Variants in CRPPA observed in about 807,000 individuals in gnomAD.
CRPPA encodes the protein CDP-L-ribitol pyrophosphorylase A.
In CRPPA, 43 loss-of-function variants were observed where a neutral mutation model predicts 52.0. The observed-to-expected ratio is 0.83, with a 90% confidence interval of 0.65 to 1.07. CRPPA has a LOEUF of 1.07. CRPPA is among the 50% of genes least tolerant of loss of function. The pLI, the probability that CRPPA is intolerant of heterozygous loss-of-function variation, is 0.00. For missense variants in CRPPA, 629 were observed against 551.7 expected (o/e 1.14, Z -1.40); for synonymous variants, 250 against 203.5 (o/e 1.23, Z -1.94).
intron 8 of CRPPA, among the ~76,000 whole-genome samples, chr7:16,217,155 T>C (rs1782350662): frequency 6.9e-6 from 1 of 145,888 alleles, no homozygotes; most frequent in African/African-American, 2.5e-5. Context: ...GCAGCCTAAC[T>C]GGGAGGCACC....
chr7:16,287,117 AG>A (rs1456874833), intron 5 of CRPPA, among the ~76,000 whole-genome samples: 1 of 152,198 alleles, frequency 6.6e-6, no homozygotes, highest in Non-Finnish European at 1.5e-5. Flanking sequence ...ACAATAAAGC[AG>A]TATGAATTAT....
intron 2 of CRPPA, among the ~76,000 whole-genome samples, chr7:16,398,249 C>T (rs191596259): frequency 7.9e-5 from 12 of 151,936 alleles, no homozygotes; most frequent in Admixed American, 6.5e-5. Flanking sequence ...GTGACCAACA[C>T]GTGACTCACA....
intron 9 of CRPPA, among the ~76,000 whole-genome samples, chr7:16,195,916 C>CGTT (rs1435766499): frequency 2.0e-5 from 3 of 152,080 alleles, no homozygotes; most frequent in Admixed American, 6.6e-5. Context: ...CCTGCCAACC[C>CGTT]CCCTTCCCCA....
intron 3 of CRPPA, among the ~76,000 whole-genome samples, chr7:16,337,703 C>T (rs1466271836): frequency 2.6e-5 from 4 of 151,964 alleles, no homozygotes; most frequent in East Asian, 1.9e-4. Context: ...ACTGATACCA[C>T]CAAAATACAA....
At chr7:16,282,750 A>G (rs1310110019) in intron 5 of CRPPA, among the ~76,000 whole-genome samples, 2 of 152,222 alleles carry the variant, frequency 1.3e-5, no homozygotes, top group South Asian at 2.1e-4. Flanking sequence ...AGGTAAAATA[A>G]CATCATAAGA....
chr7:16,172,846 A>C (rs140833278), intron 9 of CRPPA, among the ~76,000 whole-genome samples: 9 of 152,284 alleles, frequency 5.9e-5, no homozygotes, highest in Middle Eastern at 3.4e-3. Flanking sequence ...CCATCAACAC[A>C]CACAAAATAT....
Position 16,200,171 on chromosome 7 carries a change from T to G in CRPPA, c.1251+15895A>C, listed in dbSNP as rs867242619. On this transcript the variant is annotated intron_variant, in intron 9 of 9. Coordinates refer to ENST00000407010, the MANE Select transcript of CRPPA (RefSeq NM_001101426.4). ...CTCTGCCCGGCCAGATCTGTAGACT[T>G]CTAAAAGTGACTTTGCTTCTACGGA... is the stretch of plus-strand genomic sequence containing the variant. Among the ~76,000 whole-genome samples, 41 of 152,278 alleles carry G rather than the reference T, an allele frequency of 2.7e-4. No individual in the cohort carries two copies. The Middle Eastern group carries it at 0.01, about 38-fold the overall frequency.
At chr7:16,324,316 T>A (rs1251052696) in intron 3 of CRPPA, among the ~76,000 whole-genome samples, 1 of 152,216 alleles carries the variant, frequency 6.6e-6, no homozygotes, top group Admixed American at 6.5e-5. Context: ...TAGGTCAGGA[T>A]GGTCTGACGA....
intron 9 of CRPPA, among the ~76,000 whole-genome samples, chr7:16,182,030 T>C (rs1040271704): frequency 2.6e-5 from 4 of 152,080 alleles, no homozygotes; most frequent in Admixed American, 2.0e-4. Flanking sequence ...AAACCTAATA[T>C]GTAATTGCTA....
At chr7:16,383,498 C>G (rs1787171372) in intron 2 of CRPPA, among the ~76,000 whole-genome samples, 1 of 152,198 alleles carries the variant, frequency 6.6e-6, no homozygotes, top group Non-Finnish European at 1.5e-5. Flanking sequence ...CAGCTGTGTG[C>G]TGGGAGAACC....
rs11977220 is a variant in CRPPA at position 16,184,676 on chromosome 7, A to G, written c.1251+31390T>C. The stretch of plus-strand genomic sequence containing the variant: ...TATAAAACAAATAGAGTTTCCTTGA[A>G]AGGCACACAAAGGGAAAGTCCTACA... On this transcript the variant is annotated intron_variant, in intron 9 of 9. Transcript: ENST00000407010. 5.8e-3 allele frequency among the ~76,000 whole-genome samples: 883 copies of G among 152,274 alleles called. 16 individuals carry two copies. The highest frequency in any genetic ancestry group is 0.021 in the African/African-American group (854 of 41,552).
chr7:16,140,065 G>A (rs1389864709), intron 9 of CRPPA, among the ~76,000 whole-genome samples: 1 of 151,774 alleles, frequency 6.6e-6, no homozygotes, highest in Non-Finnish European at 1.5e-5. Flanking sequence ...TATACTCAAA[G>A]GAATACTATA....
In CRPPA at chr7:16,089,231, C is replaced by T. The variant is rs772992506; in HGVS notation, c.*2464G>A. On this transcript the variant is annotated 3_prime_UTR_variant, in exon 10 of 10. Coordinates refer to ENST00000407010, the MANE Select transcript of CRPPA (RefSeq NM_001101426.4). ...ACGTATATACATATATGTGTGTATG[C>T]GTACGTATATACATATATGTGTGTA... The T allele has an allele frequency of 4.1e-5, 15 of 365,854 alleles. No homozygotes were observed. Among genetic ancestry groups the T allele is most frequent in the Middle Eastern group, 8.9e-4 (1 of 1,126 alleles). 22.7% of individuals were successfully genotyped at this position (365,854 alleles called of 1,614,324 possible).
intron 8 of CRPPA, among the ~76,000 whole-genome samples, chr7:16,256,964 C>G (rs1222059148): frequency 6.6e-6 from 1 of 152,008 alleles, no homozygotes; most frequent in Non-Finnish European, 1.5e-5. Flanking sequence ...CAGATTAGAG[C>G]TGTGGAAGTT....
intron 3 of CRPPA, 126 bp from the exon 4 acceptor site, chr7:16,308,753 TACTG>T: frequency 4.7e-6 from 3 of 635,316 alleles, no homozygotes; most frequent in South Asian, 3.7e-5. Context: ...TTTAATCAGC[TACTG>T]ACTGAGTTAT....
intron 9 of CRPPA, among the ~76,000 whole-genome samples, chr7:16,161,547 G>C (rs910846939): frequency 1.3e-5 from 2 of 152,190 alleles, no homozygotes; most frequent in Admixed American, 1.3e-4. Context: ...CTTGATCATG[G>C]TGGATAAGTT....
chr7:16,207,293 G>A (rs1290676830), intron 9 of CRPPA, among the ~76,000 whole-genome samples: 1 of 152,052 alleles, frequency 6.6e-6, no homozygotes, highest in Admixed American at 6.5e-5. Flanking sequence ...CATCTATTAG[G>A]CAATACGCTG....
chr7:16,178,075 G>A (rs1376282191), intron 9 of CRPPA, among the ~76,000 whole-genome samples: 2 of 147,566 alleles, frequency 1.4e-5, no homozygotes, highest in African/African-American at 5.0e-5. Context: ...AAAAAAAAAA[G>A]AGAAAAATGG....
chr7:16,399,421 A>C (rs949108824), intron 2 of CRPPA, among the ~76,000 whole-genome samples: 6 of 152,104 alleles, frequency 3.9e-5, no homozygotes, highest in African/African-American at 1.4e-4. Flanking sequence ...GTGACATGTG[A>C]CAAGTGACAA....
Sources: gnomAD v4.1 joint callset for allele counts (sites outside exome capture counted in the v4.1 genomes callset) on GRCh38, gnomAD v4.1.1 for gene constraint, MANE v1.5 for transcripts, NCBI Gene and HGNC (gene_info 2026-07-23, HGNC 2026-07-21) for gene names.